The following TMTC1 variants were observed in gnomAD, a reference collection of about 807,000 sequenced individuals.
TMTC1 encodes transmembrane O-mannosyltransferase targeting cadherins 1.
TMTC1 carries 73 observed loss-of-function variants against 104.8 expected under a neutral mutation model. The ratio of observed to expected loss-of-function variants is 0.70; its 90% CI spans 0.58 to 0.85. The LOEUF is 0.85. Among genes scored for constraint, TMTC1 ranks in the 40% least tolerant of loss-of-function variants. TMTC1 has a pLI of 0.00. For missense variants in TMTC1, 1,035 were observed against 1,096.1 expected, an observed-to-expected ratio of 0.94 and a Z score of 0.79; for synonymous variants, 434 against 428.7, an observed-to-expected ratio of 1.01 and a Z score of -0.15.
At chr12:29,638,739 G>C (rs1549409) in intron 5 of TMTC1, among the ~76,000 whole-genome samples, 33,110 of 151,996 alleles carry the variant, frequency 0.22, 4,058 homozygotes, top group African/African-American at 0.35. Flanking sequence ...TCGGCTAAGG[G>C]TTTGAGCAGC....
intron 5 of TMTC1, among the ~76,000 whole-genome samples, chr12:29,676,757 T>G (rs370216194): frequency 6.6e-6 from 1 of 152,182 alleles, no homozygotes; most frequent in Admixed American, 6.5e-5. Flanking sequence ...TAACTAGCAC[T>G]CTATGAGAAA....
At chr12:29,618,304 T>C (rs534398121) in intron 6 of TMTC1, among the ~76,000 whole-genome samples, 1 of 152,338 alleles carries the variant, frequency 6.6e-6, no homozygotes, top group Non-Finnish European at 1.5e-5. Flanking sequence ...TTGAATTTGA[T>C]ACTACAGTGT....
upstream of TMTC1, chr12:29,784,524 AG>A (rs2120721614): frequency 6.6e-6 from 1 of 152,276 alleles, no homozygotes; most frequent in South Asian, 2.1e-4. Context: ...CCTTCCTCAA[AG>A]CCAGGAGAAG....
At chr12:29,541,878 C>T (rs1278112154) in intron 10 of TMTC1, among the ~76,000 whole-genome samples, 7 of 152,048 alleles carry the variant, frequency 4.6e-5, no homozygotes, top group Non-Finnish European at 1.0e-4. Flanking sequence ...AGGATGATCT[C>T]AATCTCTTGA....
At chr12:29,627,364 T>C (rs57539780) in intron 6 of TMTC1, among the ~76,000 whole-genome samples, 5,829 of 152,242 alleles carry the variant, frequency 0.038, 354 homozygotes, top group African/African-American at 0.13. Flanking sequence ...GATGCTCAAC[T>C]TCATTGATCA....
chr12:29,764,427 G>C (rs916671556), intron 2 of TMTC1, among the ~76,000 whole-genome samples: 9 of 152,270 alleles, frequency 5.9e-5, no homozygotes, highest in African/African-American at 2.2e-4. Context: ...AGGATTGCTT[G>C]AGCCCAGGAG....
intron 2 of TMTC1, among the ~76,000 whole-genome samples, chr12:29,760,785 TATTA>T (rs1212898558): frequency 9.3e-5 from 14 of 150,822 alleles, no homozygotes; most frequent in Admixed American, 9.3e-4. Context: ...TTTTATTGCA[TATTA>T]ATTTATTCTA....
At chr12:29,537,421 A>G (rs1217300879) in intron 10 of TMTC1, among the ~76,000 whole-genome samples, 1 of 152,154 alleles carries the variant, frequency 6.6e-6, no homozygotes, top group Non-Finnish European at 1.5e-5. Flanking sequence ...GAAATTTTCA[A>G]TTCAGGGAAG....
intron 6 of TMTC1, among the ~76,000 whole-genome samples, chr12:29,606,548 T>C (rs1209986288): frequency 2.6e-5 from 4 of 152,242 alleles, no homozygotes; most frequent in Non-Finnish European, 4.4e-5. Context: ...CTTCTTTTCA[T>C]GCTTCGAAAG....
At chr12:29,736,542 C>A (rs1177336856) in intron 5 of TMTC1, among the ~76,000 whole-genome samples, 5 of 152,008 alleles carry the variant, frequency 3.3e-5, no homozygotes, top group Non-Finnish European at 7.3e-5. Context: ...GCCTCAGCCT[C>A]CTGAGTAGGG....
At chr12:29,625,293 T>C (rs1272248495) in intron 6 of TMTC1, among the ~76,000 whole-genome samples, 2 of 152,144 alleles carry the variant, frequency 1.3e-5, no homozygotes, top group Admixed American at 1.3e-4. Flanking sequence ...AAGTTCATCA[T>C]CACACACACA....
chr12:29,652,553 T>C (rs912203622), intron 5 of TMTC1, among the ~76,000 whole-genome samples: 15 of 152,188 alleles, frequency 9.9e-5, no homozygotes, highest in Admixed American at 1.3e-4. Flanking sequence ...AGTGTAATGT[T>C]CATAGAAGCA....
At chr12:29,520,966 A>G (rs1944135671) in intron 11 of TMTC1, 5 of 428,814 alleles carry the variant, frequency 1.2e-5, no homozygotes, top group South Asian at 8.5e-5. Context: ...TGTTTTCTCA[A>G]ATGGGACCTT....
intron 10 of TMTC1, among the ~76,000 whole-genome samples, chr12:29,554,739 G>C (rs1945193559): frequency 6.6e-6 from 1 of 151,988 alleles, no homozygotes; most frequent in South Asian, 2.1e-4. Context: ...GCCATGGGGG[G>C]GCATGCCTAT....
chr12:29,550,641 G>C (rs1945070336), intron 10 of TMTC1, among the ~76,000 whole-genome samples: 1 of 152,088 alleles, frequency 6.6e-6, no homozygotes, highest in Non-Finnish European at 1.5e-5. Flanking sequence ...AAAGCCAGTG[G>C]CCAGGCCATG....
intron 7 of TMTC1, among the ~76,000 whole-genome samples, chr12:29,595,240 G>C (rs1433293595): frequency 6.6e-6 from 1 of 152,126 alleles, no homozygotes; most frequent in Non-Finnish European, 1.5e-5. Flanking sequence ...CAGAATTCCA[G>C]TCCAATAATT....
intron 7 of TMTC1, among the ~76,000 whole-genome samples, chr12:29,596,956 T>A (rs900248588): frequency 6.6e-6 from 1 of 152,228 alleles, no homozygotes; most frequent in African/African-American, 2.4e-5. Context: ...ACAGTCTGAC[T>A]GTGGTCTGAG....
rs73269840 is a variant in TMTC1 at position 29,651,007 on chromosome 12, C to T, written c.939-17671G>A. ...ATCAGACACAAAACTATGTATTCAT[C>T]CAGTGTGTTTGATTTTCTTCTGAGG... On this transcript the variant is annotated intron_variant, in intron 5 of 17. Coordinates refer to ENST00000539277, the MANE Select transcript of TMTC1 (RefSeq NM_001193451.2). Among the ~76,000 whole-genome samples the T allele has an allele frequency of 2.0e-3, 298 of 152,328 alleles. 1 individual carries two copies. Among genetic ancestry groups the T allele is most frequent in the African/African-American group, 6.9e-3 (288 of 41,568 alleles).
chr12:29,696,532 C>G (rs369911737), intron 5 of TMTC1, among the ~76,000 whole-genome samples: 2 of 152,116 alleles, frequency 1.3e-5, no homozygotes, highest in African/African-American at 2.4e-5. Flanking sequence ...TAAATGAAAT[C>G]TTTTGCTCTG....
Sources: gnomAD v4.1 joint callset for allele counts (sites outside exome capture counted in the v4.1 genomes callset) on GRCh38, gnomAD v4.1.1 for gene constraint, MANE v1.5 for transcripts, NCBI Gene and HGNC (gene_info 2026-07-23, HGNC 2026-07-21) for gene names.